The following MRPS22 variants were observed in gnomAD, a reference collection of about 807,000 sequenced individuals.
MRPS22 encodes the protein small ribosomal subunit protein mS22.
A neutral mutation model predicts 44.0 loss-of-function variants in MRPS22; 30 were observed. The ratio of observed to expected loss-of-function variants is 0.68; its 90% CI spans 0.51 to 0.93. The LOEUF is 0.93. Ranked by LOEUF, MRPS22 falls within the 40% of genes least tolerant of loss-of-function variation. The probability of loss-of-function intolerance (pLI) is 0.00; values close to 1 mark genes in which losing one functional copy is unlikely to be tolerated. For synonymous variants in MRPS22, 165 were observed against 154.4 expected, an observed-to-expected ratio of 1.07 and a Z score of -0.51; for missense variants, 447 against 447.8, an observed-to-expected ratio of 1.00 and a Z score of 0.02.
Position 139,351,185 on chromosome 3 carries a change from T to C in MRPS22, c.732+125T>C, listed in dbSNP as rs535946748. 1.6e-5 allele frequency: 12 copies of C among 732,078 alleles called. No individual in the cohort carries two copies. In the East Asian group the frequency reaches 3.2e-4, roughly 20 times the overall value. The allele number at this position is 732,078 out of a possible 1,614,324, so 45.3% of individuals were successfully genotyped here. ...GAAAGGGAAGAGAAATACCTGAAAA[T>C]CTATTGAGTACAGTTGTGTGCCAGA... On this transcript the variant is annotated intron_variant, in intron 5 of 7. Coordinates refer to ENST00000680020, the MANE Select transcript of MRPS22 (RefSeq NM_020191.4).
At chr3:139,344,379 C>T (rs929015722) in intron 1 of MRPS22, among the ~76,000 whole-genome samples, 181 bp downstream of exon 1, 11 of 151,520 alleles carry the variant, frequency 7.3e-5, no homozygotes, top group African/African-American at 2.7e-4. Context: ...CATTCGTTCA[C>T]TCACTCAACT....
chr3:139,348,165 A>C lies in MRPS22; in HGVS notation c.345A>C (p.Thr115=), dbSNP rs757899392. 6.2e-7 allele frequency: 1 copy of C among 1,614,110 alleles called. No homozygotes were observed. Among genetic ancestry groups the C allele is most frequent in the Admixed American group, 1.7e-5 (1 of 60,026 alleles). The change falls in exon 3 of 8, where the codon ACA becomes ACC. Residue 115 remains threonine, a synonymous_variant. Coordinates refer to ENST00000680020, the MANE Select transcript of MRPS22 (RefSeq NM_020191.4). ...TAAATATTTTCTTTCATTAGGCTAC[A>C]AGACAGGCAGTTGAGGCAGCTAAAG... ...LMTQAQLEEA[T]RQAVEAAKVR... is the part of the protein sequence containing the mutation.
chr3:139,352,879 AAC>A, intron 6 of MRPS22, 87 bp downstream of exon 6: 1 of 1,380,544 alleles, frequency 7.2e-7, no homozygotes, highest in Non-Finnish European at 1.0e-6. Flanking sequence ...TTCCAGTGAT[AAC>A]AGTGTACTGT....
At position 139,348,070 on chromosome 3, in the gene MRPS22, T is replaced by C. The variant is rs141791436; in HGVS notation, c.340-90T>C. 10 of 1,360,506 alleles carry C rather than the reference T, an allele frequency of 7.4e-6. No individual in the cohort carries two copies. The African/African-American group carries it at 1.3e-4, about 18-fold the overall frequency. The allele number at this position is 1,360,506 out of a possible 1,614,324, so 84.3% of individuals were successfully genotyped here. On this transcript the variant is annotated intron_variant, in intron 2 of 7. Transcript: ENST00000680020. Reference sequence around the variant, plus strand: ...TACACCTTCTTTTCTATGCAGGTTTTTGCATTTTTTATTAGTATGTGCTTT... The same window carrying C: ...TACACCTTCTTTTCTATGCAGGTTTCTGCATTTTTTATTAGTATGTGCTTT...
Position 139,350,317 on chromosome 3 carries a change from C to G in MRPS22, c.643C>G (p.Leu215Val). Residue 215 changes from leucine to valine, a missense_variant, in exon 4 of 8, where the codon CTT becomes GTT. Leu to Val is a conservative substitution (Grantham distance 32). Coordinates refer to ENST00000680020, the MANE Select transcript of MRPS22 (RefSeq NM_020191.4). ...LTPIIFKEEN[L>V]RTMYSQDRHV... ...ACCAATAATTTTCAAGGAAGAAAAT[C>G]TTAGGGTAAGGTGACTTAGGTTTTA... 6.2e-7 allele frequency: 1 copy of G among 1,613,866 alleles called. No homozygotes were observed. The highest frequency in any genetic ancestry group is 8.5e-7 in the Non-Finnish European group (1 of 1,179,954).
In MRPS22 at chr3:139,353,093, C is replaced by T. The variant is rs145669726; in HGVS notation, c.878+301C>T. ...CTGGGTTGCTGAACTTTCCAGATAC[C>T]GAAAGGGGGATTAAATAGGAAATGT... On this transcript the variant is annotated intron_variant, in intron 6 of 7. Transcript: ENST00000680020. Among the ~76,000 whole-genome samples the T allele has an allele frequency of 3.9e-4, 60 of 152,124 alleles. 2 individuals carry two copies. In the East Asian group the frequency reaches 0.011, roughly 27 times the overall value.
chr3:139,348,869 T>C (rs1229619685), intron 3 of MRPS22, among the ~76,000 whole-genome samples: 3 of 144,188 alleles, frequency 2.1e-5, no homozygotes, highest in Non-Finnish European at 4.6e-5. Flanking sequence ...GGCTCCTCTT[T>C]ACTTGATTGC....
intron 5 of MRPS22, chr3:139,351,331 T>C (rs1576363709): frequency 6.8e-6 from 3 of 440,864 alleles, no homozygotes; most frequent in South Asian, 6.3e-5. Context: ...CCAAGTTTGA[T>C]GACAAAGCCT....
rs1472407230 is a variant in MRPS22, at chr3:139,355,722, C to G, written c.919C>G (p.Leu307Val). Residue 307 changes from leucine to valine, a missense_variant, in exon 7 of 8, where the codon CTC becomes GTC. Physicochemically the swap from Leu to Val is conservative, Grantham distance 32. Transcript: ENST00000680020. ...CAACTTGGTCCAGCTGTATCACGTGCTCCATCCAGATGGCCAGTCGGCTCA... is the reference window on the plus strand; with the variant it reads ...CAACTTGGTCCAGCTGTATCACGTGGTCCATCCAGATGGCCAGTCGGCTCA... Reference protein sequence around the residue: ...ATNLVQLYHVLHPDGQSAQGA... With the variant: ...ATNLVQLYHVVHPDGQSAQGA... The G allele has an allele frequency of 1.2e-6, 2 of 1,614,064 alleles. No individual in the cohort carries two copies. The highest frequency in any genetic ancestry group is 1.7e-6 in the Non-Finnish European group (2 of 1,180,030).
At chr3:139,351,214 A>G (rs1941145105) in intron 5 of MRPS22, 154 bp downstream of exon 5, 1 of 648,332 alleles carries the variant, frequency 1.5e-6, no homozygotes, top group African/African-American at 1.8e-5. Flanking sequence ...TGCCAGATAT[A>G]TATTTTATAA....
intron 1 of MRPS22, chr3:139,344,723 G>A (rs1186503406): frequency 1.4e-6 from 1 of 699,446 alleles, no homozygotes. Context: ...TTGGAGGTAG[G>A]ATTGATAAGG....
At chr3:139,354,561 A>G (rs1214439870) in intron 6 of MRPS22, among the ~76,000 whole-genome samples, 4 of 152,150 alleles carry the variant, frequency 2.6e-5, no homozygotes, top group Non-Finnish European at 5.9e-5. Context: ...CCCCCTGAAA[A>G]GCTTTATGAT....
rs771057342 is a variant in MRPS22 at position 139,352,631 on chromosome 3, C to G, written c.733-16C>G. 5 of 1,610,486 alleles carry G rather than the reference C, an allele frequency of 3.1e-6. No homozygotes were observed. The highest frequency in any genetic ancestry group is 1.3e-5 in the African/African-American group (1 of 74,798). ...TTATTTTCATGTTTCTGAAGAGTTG[C>G]ATTTTATGTGGATAGGTTCATCACA... On this transcript the variant is annotated splice_polypyrimidine_tract_variant and intron_variant, in intron 5 of 7. Coordinates refer to ENST00000680020, the MANE Select transcript of MRPS22 (RefSeq NM_020191.4).
At chr3:139,350,573 G>A (rs939563974) in intron 4 of MRPS22, 17 of 476,600 alleles carry the variant, frequency 3.6e-5, no homozygotes, top group Non-Finnish European at 5.3e-5. Flanking sequence ...GATTACAGGC[G>A]CCCGCCACCA....
chr3:139,351,238 T>C, intron 5 of MRPS22, 178 bp downstream of exon 5: 1 of 598,074 alleles, frequency 1.7e-6, no homozygotes, highest in Non-Finnish European at 3.0e-6. Context: ...CAACAACCCT[T>C]GATTAAAGAT....
chr3:139,349,306 C>CTT (rs745782838), intron 3 of MRPS22: 11 of 352,380 alleles, frequency 3.1e-5, no homozygotes, highest in East Asian at 8.8e-5. Flanking sequence ...TTGGCATGTG[C>CTT]TTTTTTTTTT....
intron 6 of MRPS22, among the ~76,000 whole-genome samples, chr3:139,354,879 C>T (rs780296962): frequency 2.6e-5 from 4 of 152,134 alleles, no homozygotes; most frequent in Non-Finnish European, 5.9e-5. Flanking sequence ...TGCCCTCCAG[C>T]GATGAGATGG....
At chr3:139,345,221 C>G (rs913072357) in intron 1 of MRPS22, among the ~76,000 whole-genome samples, 1 of 152,124 alleles carries the variant, frequency 6.6e-6, no homozygotes, top group Non-Finnish European at 1.5e-5. Flanking sequence ...GGTTGGAAGC[C>G]ATTCGTGAAT....
chr3:139,357,105 A>AGAT lies in MRPS22; in HGVS notation c.*92_*94dup. ...AATGTTAAAAAATGGCCAGATTAAA[A>AGAT]GATATCAATTTGTAGTTCTCCCTAC... On this transcript the variant is annotated 3_prime_UTR_variant, in exon 8 of 8. Coordinates refer to ENST00000680020, the MANE Select transcript of MRPS22 (RefSeq NM_020191.4). The AGAT allele has an allele frequency of 1.8e-6, 2 of 1,089,292 alleles. No homozygotes were observed. Among genetic ancestry groups the AGAT allele is most frequent in the East Asian group, 5.2e-5 (2 of 38,544 alleles). 67.5% of individuals were successfully genotyped at this position (1,089,292 alleles called of 1,614,324 possible).
Sources: gnomAD v4.1 joint callset for allele counts (sites outside exome capture counted in the v4.1 genomes callset) on GRCh38, gnomAD v4.1.1 for gene constraint, MANE v1.5 for transcripts, NCBI Gene and HGNC (gene_info 2026-07-23, HGNC 2026-07-21) for gene names.